PCCA: variants seen among roughly 807,000 people sequenced by gnomAD.
PCCA encodes propionyl-CoA carboxylase subunit alpha.
PCCA carries 74 observed loss-of-function variants against 101.3 expected under a neutral mutation model. The observed-to-expected ratio is 0.73, with a 90% CI of 0.61 to 0.89. PCCA has a LOEUF of 0.89. Among genes scored for constraint, PCCA ranks in the 40% least tolerant of loss-of-function variants. The probability of loss-of-function intolerance (pLI) is 0.00; values close to 1 mark genes in which losing one functional copy is unlikely to be tolerated. For missense variants in PCCA, 891 were observed against 907.0 expected, an observed-to-expected ratio of 0.98 and a Z score of 0.23; for synonymous variants, 294 against 313.6, an observed-to-expected ratio of 0.94 and a Z score of 0.66.
rs138895440 is a variant in PCCA at position 100,503,234 on chromosome 13, T to C, written c.1900-12193T>C. Among the ~76,000 whole-genome samples, 1,244 of 152,372 alleles carry C rather than the reference T, an allele frequency of 8.2e-3. 8 individuals are homozygous for C. Among genetic ancestry groups the C allele is most frequent in the Non-Finnish European group, 0.011 (773 of 68,038 alleles). On this transcript the variant is annotated intron_variant, in intron 21 of 23. Transcript: ENST00000376285. ...GGCCGGGCGCAGTGGCTCACGCCTG[T>C]AATCCCAACACTTTGGGAGGCCGAG... is the stretch of plus-strand genomic sequence containing the variant.
intron 19 of PCCA, among the ~76,000 whole-genome samples, chr13:100,383,424 CT>C (rs1222457224): frequency 6.6e-6 from 1 of 151,906 alleles, no homozygotes; most frequent in South Asian, 2.1e-4. Context: ...CCCAGGAGGT[CT>C]AGACCAGCCC....
chr13:100,520,464 T>G (rs2087154339), intron 22 of PCCA, among the ~76,000 whole-genome samples: 1 of 151,714 alleles, frequency 6.6e-6, no homozygotes, highest in Non-Finnish European at 1.5e-5. Context: ...TGAAACCCCG[T>G]CTCTACTAAA....
In PCCA at chr13:100,449,308, A is replaced by AGC; in HGVS notation, c.1899+3_1899+4insGC. ...GCATTCAGTTTCTTGGTACAGTGGTAAGTATGAAATCATTCTTTATTCTCT... is the reference window on the plus strand; with the variant it reads ...GCATTCAGTTTCTTGGTACAGTGGTAGCAGTATGAAATCATTCTTTATTCTCT... On this transcript the variant is annotated splice_donor_region_variant and intron_variant, in intron 21 of 23. Coordinates refer to ENST00000376285, the MANE Select transcript of PCCA (RefSeq NM_000282.4). 2 of 1,502,184 alleles carry AGC rather than the reference A, an allele frequency of 1.3e-6. No individual in the cohort carries two copies. Among genetic ancestry groups the AGC allele is most frequent in the Non-Finnish European group, 1.8e-6 (2 of 1,102,784 alleles). The allele number at this position is 1,502,184 out of a possible 1,614,324, so 93.1% of individuals were successfully genotyped here.
intron 8 of PCCA, 132 bp downstream of exon 8, chr13:100,236,010 T>A: frequency 5.9e-6 from 4 of 675,190 alleles, no homozygotes; most frequent in Non-Finnish European, 1.1e-5. Context: ...CTTGTTGCTC[T>A]GGAAGAATGT....
chr13:100,409,911 C>T (rs2077926962), intron 19 of PCCA, among the ~76,000 whole-genome samples: 1 of 151,990 alleles, frequency 6.6e-6, no homozygotes, highest in Non-Finnish European at 1.5e-5. Flanking sequence ...ACAGGCATGC[C>T]ACCATGCCCA....
intron 21 of PCCA, among the ~76,000 whole-genome samples, chr13:100,478,683 C>T (rs933483823): frequency 1.3e-5 from 2 of 152,162 alleles, no homozygotes; most frequent in Non-Finnish European, 2.9e-5. Flanking sequence ...GCCTCAGGAG[C>T]GGTCACCCTG....
At chr13:100,483,213 ATCTAAG>A (rs1282712731) in intron 21 of PCCA, among the ~76,000 whole-genome samples, 1 of 152,094 alleles carries the variant, frequency 6.6e-6, no homozygotes, top group African/African-American at 2.4e-5. Flanking sequence ...AAGAAATACC[ATCTAAG>A]TCTTTCTATT....
chr13:100,213,171 C>A (rs1191091533), intron 7 of PCCA, among the ~76,000 whole-genome samples: 1 of 152,114 alleles, frequency 6.6e-6, no homozygotes, highest in African/African-American at 2.4e-5. Flanking sequence ...CAAATGTTGG[C>A]TATTGTGGAT....
intron 6 of PCCA, among the ~76,000 whole-genome samples, chr13:100,196,366 C>T (rs940352208): frequency 6.6e-6 from 1 of 152,104 alleles, no homozygotes; most frequent in Non-Finnish European, 1.5e-5. Flanking sequence ...AATACTCACT[C>T]CCCATCAGTG....
At chr13:100,492,395 A>T (rs1490613836) in intron 21 of PCCA, among the ~76,000 whole-genome samples, 2 of 152,000 alleles carry the variant, frequency 1.3e-5, no homozygotes, top group Non-Finnish European at 2.9e-5. Context: ...CAGCCTCCCA[A>T]AGTGCTAGGA....
intron 4 of PCCA, 103 bp downstream of exon 4, chr13:100,112,164 A>C (rs2048377468): frequency 1.3e-6 from 1 of 797,264 alleles, no homozygotes; most frequent in African/African-American, 1.7e-5. Context: ...AGATACATTC[A>C]AGTTTAAAAA....
chr13:100,309,506 TG>T (rs1220590323), intron 15 of PCCA, among the ~76,000 whole-genome samples: 1 of 152,222 alleles, frequency 6.6e-6, no homozygotes, highest in East Asian at 1.9e-4. Context: ...CCACTACCCT[TG>T]GTGTTCAAAT....
At chr13:100,305,697 A>G in intron 14 of PCCA, 1 of 296,478 alleles carries the variant, frequency 3.4e-6, no homozygotes. Context: ...ATGTGGGGAA[A>G]AGGTAGATTG....
intron 8 of PCCA, among the ~76,000 whole-genome samples, chr13:100,241,476 T>C (rs1382574598): frequency 6.6e-6 from 1 of 152,160 alleles, no homozygotes. Flanking sequence ...TTTTGTCTGT[T>C]TTTTATTTTT....
At chr13:100,479,131 T>C (rs936936081) in intron 21 of PCCA, among the ~76,000 whole-genome samples, 2 of 152,218 alleles carry the variant, frequency 1.3e-5, no homozygotes, top group African/African-American at 4.8e-5. Context: ...GTAAAGCCCT[T>C]TATATACTGG....
chr13:100,128,331 T>G (rs2050161652), intron 4 of PCCA, among the ~76,000 whole-genome samples: 1 of 152,176 alleles, frequency 6.6e-6, no homozygotes, highest in African/African-American at 2.4e-5. Flanking sequence ...GGCAGAGTTT[T>G]TATTAGTGCC....
chr13:100,359,279 C>T (rs966710990), intron 18 of PCCA, among the ~76,000 whole-genome samples: 7 of 152,114 alleles, frequency 4.6e-5, no homozygotes, highest in Middle Eastern at 3.4e-3. Flanking sequence ...AGATTGGGAA[C>T]AAGACAAAGT....
chr13:100,355,722 T>C (rs1292235172), intron 18 of PCCA, among the ~76,000 whole-genome samples: 1 of 152,174 alleles, frequency 6.6e-6, no homozygotes, highest in Non-Finnish European at 1.5e-5. Flanking sequence ...ACCAAACTGA[T>C]CTACAGATTC....
chr13:100,348,787 TCTTCCTTCCTTC>T (rs142274622), intron 18 of PCCA, among the ~76,000 whole-genome samples: 4,440 of 46,374 alleles, frequency 0.096, 328 homozygotes, highest in Middle Eastern at 0.11. Context: ...TTTCTTTCTT[TCTTCCTTCCTTC>T]CTTCCTTCCT....
Sources: allele counts gnomAD v4.1 joint callset (sites outside exome capture counted in the v4.1 genomes callset), GRCh38; gene constraint gnomAD v4.1.1; transcripts MANE v1.5; gene names NCBI Gene and HGNC (gene_info 2026-07-23, HGNC 2026-07-21).